The following FGF10 variants were observed in gnomAD, a reference collection of about 807,000 sequenced individuals.
FGF10 encodes the protein fibroblast growth factor 10.
Under a neutral mutation model 19.8 loss-of-function variants are expected in FGF10, and 2 were observed. That is an observed-to-expected ratio of 0.10 (90% CI 0.04 to 0.32). The LOEUF (loss-of-function observed/expected upper bound fraction) is 0.32, where lower values mean the gene tolerates loss of function less well. Ranked by LOEUF, FGF10 falls within the 10% of genes least tolerant of loss-of-function variation. FGF10 has a pLI of 1.00. For synonymous variants in FGF10, 112 were observed against 94.0 expected (o/e 1.19, Z -1.10); for missense variants, 191 against 246.3 (o/e 0.78, Z 1.50).
chr5:44,388,691 A>G lies in FGF10; in HGVS notation c.-9T>C, dbSNP rs1429210367. 1.9e-6 allele frequency: 3 copies of G among 1,613,718 alleles called. No individual in the cohort carries two copies. The African/African-American group carries it at 4.0e-5, about 22-fold the overall frequency. ...AGTATCCATTTCCACATTGTACTGAAACTCTCGGCACTGGAAATTGTCTCA... is the reference window on the plus strand; with the variant it reads ...AGTATCCATTTCCACATTGTACTGAGACTCTCGGCACTGGAAATTGTCTCA... On this transcript the variant is annotated 5_prime_UTR_variant, in exon 1 of 3. Transcript: ENST00000264664.
chr5:44,314,615 A>AT (rs1279695810), intron 1 of FGF10, among the ~76,000 whole-genome samples: 4 of 152,082 alleles, frequency 2.6e-5, no homozygotes, highest in South Asian at 2.1e-4. Flanking sequence ...GTGTAAATGC[A>AT]TTTTTTTCTT....
In FGF10 at chr5:44,302,322, C is replaced by CCTTT. The variant is rs1245298425; in HGVS notation, c.*2672_*2673insAAAG. ...TCCTTCCTTCCTTCCTTCCTTCCTT[C>CCTTT]CTTCCTTCCTGTCTTTCTGTCTTTT... On this transcript the variant is annotated 3_prime_UTR_variant, in exon 3 of 3. Transcript: ENST00000264664. Among the ~76,000 whole-genome samples, 4 of 123,402 alleles carry CCTTT rather than the reference C, an allele frequency of 3.2e-5. No homozygotes were observed. Among genetic ancestry groups the CCTTT allele is most frequent in the Non-Finnish European group, 5.2e-5 (3 of 57,268 alleles). 81.0% of individuals were successfully genotyped at this position (123,402 alleles called of 152,430 possible).
In FGF10 at chr5:44,388,509, G is replaced by C; in HGVS notation, c.174C>G (p.Ser58=). The part of the protein sequence containing the change: ...EATNSSSSSF[S]SPSSAGRHVR... The stretch of plus-strand genomic sequence containing the variant: ...CATGCCTTCCCGCGCTGGAAGGAGA[G>C]GAGAAGGAGGAGGAAGAAGAGTTGG... The change falls in exon 1 of 3, where the codon TCC becomes TCG. Residue 58 remains serine, a synonymous_variant. Coordinates refer to ENST00000264664, the MANE Select transcript of FGF10 (RefSeq NM_004465.2). The C allele has an allele frequency of 6.2e-7, 1 of 1,614,130 alleles. No individual in the cohort carries two copies. The highest frequency in any genetic ancestry group is 1.7e-5 in the Admixed American group (1 of 60,026).
intron 1 of FGF10, among the ~76,000 whole-genome samples, chr5:44,345,269 G>C (rs931157376): frequency 6.6e-6 from 1 of 151,480 alleles, no homozygotes; most frequent in Non-Finnish European, 1.5e-5. Flanking sequence ...GGGAAGACTT[G>C]ATTTGAAGAT....
intron 2 of FGF10, among the ~76,000 whole-genome samples, chr5:44,307,151 T>C (rs998711982): frequency 6.6e-6 from 1 of 152,164 alleles, no homozygotes; most frequent in African/African-American, 2.4e-5. Context: ...TATAGAGTAA[T>C]GTTTCTTAAA....
At chr5:44,332,535 C>T (rs1740758692) in intron 1 of FGF10, among the ~76,000 whole-genome samples, 1 of 152,112 alleles carries the variant, frequency 6.6e-6, no homozygotes, top group South Asian at 2.1e-4. Flanking sequence ...GAAATAAATG[C>T]AATGCCAGTG....
rs1191964582 is a variant in FGF10, at chr5:44,302,004, G to T, written c.*2991C>A. Among the ~76,000 whole-genome samples, 1 of 151,888 alleles carries T rather than the reference G, an allele frequency of 6.6e-6. No individual in the cohort carries two copies. Among genetic ancestry groups the T allele is most frequent in the Non-Finnish European group, 1.5e-5 (1 of 67,982 alleles). ...CCAAAACTCAAATGGACACATATTT[G>T]TGGCTGATGCACTTTAACTTTGTGG... On this transcript the variant is annotated 3_prime_UTR_variant, in exon 3 of 3. Transcript: ENST00000264664.
At chr5:44,342,345 T>C (rs1740988608) in intron 1 of FGF10, among the ~76,000 whole-genome samples, 2 of 151,968 alleles carry the variant, frequency 1.3e-5, no homozygotes, top group African/African-American at 4.8e-5. Context: ...GTTAGGCACA[T>C]TCTGTCAAAG....
At chr5:44,333,005 T>C (rs541387813) in intron 1 of FGF10, among the ~76,000 whole-genome samples, 2 of 152,222 alleles carry the variant, frequency 1.3e-5, no homozygotes, top group African/African-American at 4.8e-5. Flanking sequence ...AGTTTCTATA[T>C]CTAGGCTTAA....
At chr5:44,375,659 A>AGCTTGTG (rs1741836907) in intron 1 of FGF10, among the ~76,000 whole-genome samples, 2 of 152,184 alleles carry the variant, frequency 1.3e-5, no homozygotes, top group South Asian at 4.1e-4. Flanking sequence ...AGAGGGAACT[A>AGCTTGTG]GCTTGTGTGG....
chr5:44,337,105 C>A (rs553067158), intron 1 of FGF10, among the ~76,000 whole-genome samples: 1 of 151,752 alleles, frequency 6.6e-6, no homozygotes, highest in South Asian at 2.1e-4. Context: ...GCTTTAACAT[C>A]TAGTGGTTTC....
intron 1 of FGF10, among the ~76,000 whole-genome samples, chr5:44,332,603 AC>A (rs1001692784): frequency 8.5e-5 from 13 of 152,150 alleles, no homozygotes; most frequent in African/African-American, 3.1e-4. Context: ...AGAGTAGTTA[AC>A]AAGTTTGGTT....
intron 1 of FGF10, among the ~76,000 whole-genome samples, chr5:44,357,216 C>T (rs1561213109): frequency 6.6e-6 from 1 of 151,302 alleles, no homozygotes; most frequent in Non-Finnish European, 1.5e-5. Flanking sequence ...TAATGTTAGA[C>T]CAGAAAGGGG....
chr5:44,370,795 A>T (rs1235626285), intron 1 of FGF10, among the ~76,000 whole-genome samples: 1 of 152,170 alleles, frequency 6.6e-6, no homozygotes. Flanking sequence ...AGCCATAAAA[A>T]TTCAAGTGAT....
At chr5:44,367,571 AG>A (rs1741648640) in intron 1 of FGF10, among the ~76,000 whole-genome samples, 1 of 152,034 alleles carries the variant, frequency 6.6e-6, no homozygotes, top group Non-Finnish European at 1.5e-5. Flanking sequence ...TACTCAGTGA[AG>A]TTACTCGGCT....
chr5:44,360,874 T>C (rs959769526), intron 1 of FGF10, among the ~76,000 whole-genome samples: 1 of 151,740 alleles, frequency 6.6e-6, no homozygotes, highest in African/African-American at 2.4e-5. Context: ...GACTACTTTA[T>C]CGACCAAATA....
At chr5:44,328,944 C>G (rs181992527) in intron 1 of FGF10, among the ~76,000 whole-genome samples, 1 of 152,078 alleles carries the variant, frequency 6.6e-6, no homozygotes, top group Non-Finnish European at 1.5e-5. Context: ...CTGCAGTGAG[C>G]CACGATTGCA....
chr5:44,313,708 T>C (rs903171364), intron 1 of FGF10, among the ~76,000 whole-genome samples: 1 of 152,048 alleles, frequency 6.6e-6, no homozygotes, highest in Admixed American at 6.6e-5. Context: ...CATATTCTTG[T>C]AGTGAAATTC....
intron 1 of FGF10, among the ~76,000 whole-genome samples, chr5:44,348,793 T>C (rs1187542391): frequency 6.6e-6 from 1 of 151,594 alleles, no homozygotes; most frequent in African/African-American, 2.4e-5. Flanking sequence ...AATCCATATT[T>C]AATTTTTATC....
Sources: gnomAD v4.1 joint callset for allele counts (sites outside exome capture counted in the v4.1 genomes callset) on GRCh38, gnomAD v4.1.1 for gene constraint, MANE v1.5 for transcripts, NCBI Gene and HGNC (gene_info 2026-07-23, HGNC 2026-07-21) for gene names.